CDH18: variants seen among roughly 807,000 people sequenced by gnomAD.
The protein encoded by CDH18 is cadherin 18.
CDH18 carries 31 observed loss-of-function variants against 67.9 expected under a neutral mutation model. That is an observed-to-expected ratio of 0.46 (90% confidence interval 0.34 to 0.62). The LOEUF (loss-of-function observed/expected upper bound fraction) is 0.62. CDH18 is among the 20% of genes least tolerant of loss of function. The probability of loss-of-function intolerance (pLI) is 0.01; values close to 1 mark genes in which losing one functional copy is unlikely to be tolerated. For synonymous variants in CDH18, 362 were observed against 347.2 expected, an observed-to-expected ratio of 1.04 and a Z score of -0.48; for missense variants, 890 against 975.5, an observed-to-expected ratio of 0.91 and a Z score of 1.17.
intron 1 of CDH18, among the ~76,000 whole-genome samples, chr5:20,387,730 G>A (rs1282130985): frequency 6.6e-6 from 1 of 152,174 alleles, no homozygotes; most frequent in African/African-American, 2.4e-5. Flanking sequence ...TTATTATGCT[G>A]AGATACGTCC....
intron 1 of CDH18, among the ~76,000 whole-genome samples, chr5:20,380,170 G>T (rs1178017001): frequency 6.6e-6 from 1 of 152,106 alleles, no homozygotes; most frequent in Admixed American, 6.6e-5. Context: ...ATAGCATTTT[G>T]ATGGATGGGT....
rs537838797 is a variant in CDH18 at position 19,528,005 on chromosome 5, A to G, written c.1391-7227T>C. Among the ~76,000 whole-genome samples the G allele has an allele frequency of 7.2e-5, 11 of 151,972 alleles. No homozygotes were observed. The South Asian group carries it at 2.3e-3, about 31-fold the overall frequency. ...TTCCGTTAACCAGAACTACAAAGTC[A>G]AAGTAATTTACCTCTAGTTGAAAGT... On this transcript the variant is annotated intron_variant, in intron 9 of 12. Coordinates refer to ENST00000382275, the MANE Select transcript of CDH18 (RefSeq NM_004934.5).
chr5:20,035,817 A>G (rs1739812839), intron 2 of CDH18, among the ~76,000 whole-genome samples: 1 of 152,090 alleles, frequency 6.6e-6, no homozygotes, highest in Non-Finnish European at 1.5e-5. Context: ...AGCTGGGCAC[A>G]AAACTCAAGT....
intron 1 of CDH18, among the ~76,000 whole-genome samples, chr5:20,505,073 G>A (rs1030028186): frequency 6.8e-6 from 1 of 147,682 alleles, no homozygotes; most frequent in South Asian, 2.2e-4. Context: ...GGCCACAAAA[G>A]GGAACTTTAA....
intron 2 of CDH18, among the ~76,000 whole-genome samples, chr5:19,952,143 G>A (rs537681857): frequency 6.6e-6 from 1 of 152,254 alleles, no homozygotes. Flanking sequence ...CCTCCTCCCA[G>A]GTTCAAGTGA....
chr5:20,387,398 G>A (rs1036585981), intron 1 of CDH18, among the ~76,000 whole-genome samples: 11 of 152,058 alleles, frequency 7.2e-5, no homozygotes, highest in African/African-American at 2.4e-4. Context: ...GAATGCTTGC[G>A]ATTTTTTGCA....
intron 7 of CDH18, among the ~76,000 whole-genome samples, chr5:19,576,947 G>A (rs1742416726): frequency 6.6e-6 from 1 of 152,200 alleles, no homozygotes; most frequent in Non-Finnish European, 1.5e-5. Context: ...GTAACAACAT[G>A]TGTGAACGTA....
intron 1 of CDH18, among the ~76,000 whole-genome samples, chr5:20,310,450 A>C (rs150856676): frequency 2.0e-3 from 304 of 152,274 alleles, no homozygotes; most frequent in African/African-American, 7.1e-3. Context: ...ACACACATTA[A>C]AATATAAAAT....
At chr5:20,302,154 TCAAA>T (rs894431496) in intron 1 of CDH18, among the ~76,000 whole-genome samples, 10 of 152,284 alleles carry the variant, frequency 6.6e-5, no homozygotes, top group African/African-American at 2.4e-4. Flanking sequence ...TCATAGATTC[TCAAA>T]CAAAAGATGA....
intron 1 of CDH18, among the ~76,000 whole-genome samples, chr5:20,458,175 G>A (rs949286630): frequency 2.0e-5 from 3 of 151,944 alleles, no homozygotes; most frequent in Non-Finnish European, 4.4e-5. Flanking sequence ...TGGAATGAAG[G>A]GCCACAGTCA....
intron 1 of CDH18, among the ~76,000 whole-genome samples, chr5:20,507,819 G>A (rs1754747707): frequency 6.6e-6 from 1 of 152,072 alleles, no homozygotes; most frequent in Admixed American, 6.6e-5. Flanking sequence ...GGCATTTTGA[G>A]CATACACGTT....
rs373626876 is a variant in CDH18 at position 20,260,825 on chromosome 5, C to A, written c.-579-5320G>T. ...TCTGGAAGCTGAAACTGACATCTGG[C>A]TAATAGCCAGCAGAAGATGGGAAAA... is the stretch of plus-strand genomic sequence containing the variant. On this transcript the variant is annotated intron_variant, in intron 1 of 14. Transcript: ENST00000507958. Among the ~76,000 whole-genome samples, 64 of 152,260 alleles carry A rather than the reference C, an allele frequency of 4.2e-4. 1 individual carries two copies. In the South Asian group the frequency reaches 9.3e-3, roughly 22 times the overall value.
At chr5:19,991,007 T>C (rs1799952125), upstream of CDH18, among the ~76,000 whole-genome samples, 1 of 151,948 alleles carries the variant, frequency 6.6e-6, no homozygotes, top group Non-Finnish European at 1.5e-5. Flanking sequence ...CTTGGGAGAG[T>C]TATTAGAATC....
intron 2 of CDH18, among the ~76,000 whole-genome samples, chr5:19,852,489 G>A (rs1199040267): frequency 6.6e-6 from 1 of 152,020 alleles, no homozygotes; most frequent in Non-Finnish European, 1.5e-5. Context: ...TCTGGGCCAT[G>A]AGGATTTATA....
At chr5:19,930,228 T>C (rs1456658346) in intron 2 of CDH18, among the ~76,000 whole-genome samples, 1 of 152,068 alleles carries the variant, frequency 6.6e-6, no homozygotes, top group African/African-American at 2.4e-5. Flanking sequence ...TTAGTAACCC[T>C]GGGATTCCAA....
chr5:20,403,332 A>T (rs1745942104), intron 1 of CDH18, among the ~76,000 whole-genome samples: 1 of 151,918 alleles, frequency 6.6e-6, no homozygotes, highest in African/African-American at 2.4e-5. Context: ...TTTGTTACTT[A>T]TGTAAAGTGT....
chr5:19,544,045 G>A, intron 8 of CDH18, 40 bp from the exon 9 acceptor site: 1 of 1,155,856 alleles, frequency 8.7e-7, no homozygotes, highest in Non-Finnish European at 1.2e-6. Context: ...ATGTTATAAT[G>A]AAGAAAATAC....
intron 11 of CDH18, among the ~76,000 whole-genome samples, chr5:19,496,878 A>G (rs2126713503): frequency 6.6e-6 from 1 of 151,768 alleles, no homozygotes; most frequent in East Asian, 1.9e-4. Context: ...CCTGCCACAT[A>G]AAGAAAAGTG....
intron 2 of CDH18, among the ~76,000 whole-genome samples, chr5:20,054,721 G>A (rs561403570): frequency 1.4e-3 from 213 of 152,234 alleles, no homozygotes; most frequent in African/African-American, 4.8e-3. Flanking sequence ...CATTTACTAT[G>A]ACCACATTGT....
Sources: gnomAD v4.1 joint callset for allele counts (sites outside exome capture counted in the v4.1 genomes callset) on GRCh38, gnomAD v4.1.1 for gene constraint, MANE v1.5 for transcripts, NCBI Gene and HGNC (gene_info 2026-07-23, HGNC 2026-07-21) for gene names.